GALNT17: variants seen among roughly 807,000 people sequenced by gnomAD.
GALNT17 encodes polypeptide N-acetylgalactosaminyltransferase 17.
Under a neutral mutation model 63.7 loss-of-function variants are expected in GALNT17, and 29 were observed. The ratio of observed to expected loss-of-function variants is 0.46; its 90% confidence interval spans 0.34 to 0.62. The LOEUF is 0.62. GALNT17 is among the 20% of genes least tolerant of loss of function. GALNT17 has a pLI of 0.01. For missense variants in GALNT17, 603 were observed against 799.6 expected, an observed-to-expected ratio of 0.75 and a Z score of 2.97; for synonymous variants, 305 against 318.3, an observed-to-expected ratio of 0.96 and a Z score of 0.45.
At chr7:71,410,884 T>A (rs1196764024) in intron 3 of GALNT17, among the ~76,000 whole-genome samples, 1 of 152,212 alleles carries the variant, frequency 6.6e-6, no homozygotes, top group Non-Finnish European at 1.5e-5. Flanking sequence ...TATCAAAATC[T>A]TAAAAAACAC....
chr7:71,172,336 G>A (rs998321184), intron 1 of GALNT17, among the ~76,000 whole-genome samples: 4 of 151,646 alleles, frequency 2.6e-5, no homozygotes, highest in Non-Finnish European at 4.4e-5. Flanking sequence ...GTGCACCTGC[G>A]GACCCAGCTA....
chr7:71,686,818 G>T (rs2117086862), intron 9 of GALNT17, among the ~76,000 whole-genome samples: 1 of 152,238 alleles, frequency 6.6e-6, no homozygotes, highest in South Asian at 2.1e-4. Flanking sequence ...ATGCAGCTTT[G>T]TCCCCGAGCT....
intron 9 of GALNT17, among the ~76,000 whole-genome samples, chr7:71,681,243 C>T (rs493053): frequency 0.42 from 63,656 of 151,982 alleles, 15,066 homozygotes; most frequent in African/African-American, 0.66. Flanking sequence ...ATGCTGATGC[C>T]GCTGGTTTGA....
At chr7:71,303,822 C>G (rs1791242419) in intron 1 of GALNT17, among the ~76,000 whole-genome samples, 1 of 152,134 alleles carries the variant, frequency 6.6e-6, no homozygotes, top group African/African-American at 2.4e-5. Context: ...TTGAATTTCT[C>G]TTTCTGGAAG....
intron 8 of GALNT17, among the ~76,000 whole-genome samples, chr7:71,673,792 T>G (rs1259593913): frequency 2.0e-5 from 3 of 152,166 alleles, no homozygotes; most frequent in Non-Finnish European, 4.4e-5. Context: ...TTTTGTGTTT[T>G]TGTTTTTGTT....
intron 5 of GALNT17, among the ~76,000 whole-genome samples, chr7:71,568,638 G>A (rs1789388279): frequency 6.6e-6 from 1 of 152,188 alleles, no homozygotes; most frequent in Non-Finnish European, 1.5e-5. Flanking sequence ...GCTGCATCCG[G>A]GATCTAGAGT....
At chr7:71,480,061 G>A (rs939223857) in intron 5 of GALNT17, among the ~76,000 whole-genome samples, 4 of 151,602 alleles carry the variant, frequency 2.6e-5, no homozygotes, top group Non-Finnish European at 5.9e-5. Context: ...TGTTTTCAAG[G>A]CCACACTAAC....
chr7:71,394,154 G>T (rs1793098950), intron 3 of GALNT17, among the ~76,000 whole-genome samples: 1 of 152,168 alleles, frequency 6.6e-6, no homozygotes, highest in Admixed American at 6.5e-5. Context: ...TCTGCTTCTG[G>T]TGAGGGTTTC....
rs191205449 is a variant in GALNT17 at position 71,564,447 on chromosome 7, C to T, written c.963-6838C>T. Among the ~76,000 whole-genome samples the T allele has an allele frequency of 2.7e-4, 41 of 151,744 alleles. No individual in the cohort carries two copies. The East Asian group carries it at 5.7e-3, about 21-fold the overall frequency. On this transcript the variant is annotated intron_variant, in intron 5 of 10. Transcript: ENST00000333538. ...GATTACAGGTGCCTACTACCACGCC[C>T]GGCTCATTTTTGTATTTTCAGTAGA... is the stretch of plus-strand genomic sequence containing the variant.
chr7:71,513,482 T>G (rs6979696), intron 5 of GALNT17, among the ~76,000 whole-genome samples: 30,234 of 151,880 alleles, frequency 0.2, 3,062 homozygotes, highest in Middle Eastern at 0.32. Context: ...GCCTCCCCAG[T>G]TCAAGCGATT....
At chr7:71,211,794 G>A (rs1429461326) in intron 1 of GALNT17, among the ~76,000 whole-genome samples, 1 of 152,112 alleles carries the variant, frequency 6.6e-6, no homozygotes, top group Admixed American at 6.5e-5. Context: ...TTTTGCCCCT[G>A]CCCTCAAGAT....
intron 1 of GALNT17, among the ~76,000 whole-genome samples, chr7:71,146,101 A>G (rs1428557604): frequency 6.6e-6 from 1 of 151,856 alleles, no homozygotes; most frequent in Non-Finnish European, 1.5e-5. Context: ...GGCTGGAGGG[A>G]TCCTTCGGGA....
intron 6 of GALNT17, among the ~76,000 whole-genome samples, 165 bp from the exon 7 acceptor site, chr7:71,665,246 G>A (rs946952039): frequency 1.3e-5 from 2 of 151,960 alleles, no homozygotes; most frequent in African/African-American, 4.8e-5. Context: ...CAAAGTGCTG[G>A]GATTATAGGC....
chr7:71,571,533 TG>T, intron 6 of GALNT17, 131 bp downstream of exon 6: 3 of 758,976 alleles, frequency 4.0e-6, no homozygotes, highest in Non-Finnish European at 6.8e-6. Context: ...ACCTTGTTCC[TG>T]GGGGATGCAT....
chr7:71,414,917 T>A (rs1793496740), intron 3 of GALNT17, among the ~76,000 whole-genome samples: 1 of 151,978 alleles, frequency 6.6e-6, no homozygotes, highest in Non-Finnish European at 1.5e-5. Context: ...TATCTAAGAA[T>A]CCCCTCCCTG....
chr7:71,210,054 C>T (rs901066166), intron 1 of GALNT17, among the ~76,000 whole-genome samples: 10 of 152,078 alleles, frequency 6.6e-5, no homozygotes, highest in African/African-American at 2.4e-4. Context: ...TCCTGAGTAG[C>T]TGGGATTATA....
At position 71,468,421 on chromosome 7, in the gene GALNT17, A is replaced by AT. The variant is rs759792487; in HGVS notation, c.962+47324dup. 3.1e-4 allele frequency among the ~76,000 whole-genome samples: 46 copies of AT among 148,448 alleles called. 5 individuals carry two copies. The highest frequency in any genetic ancestry group is 3.1e-3 in the East Asian group (15 of 4,878). On this transcript the variant is annotated intron_variant, in intron 5 of 10. Coordinates refer to ENST00000333538, the MANE Select transcript of GALNT17 (RefSeq NM_022479.3). ...ATCTTTTTATTTTATTTTATTTATT[A>AT]TTTTTTTTAATTGGAGACAGAGTCT...
intron 3 of GALNT17, among the ~76,000 whole-genome samples, chr7:71,401,907 T>G (rs1440146329): frequency 6.6e-6 from 1 of 152,224 alleles, no homozygotes; most frequent in Non-Finnish European, 1.5e-5. Context: ...TGAATCATCC[T>G]GAAACCATCC....
At chr7:71,220,735 CA>C (rs1044331723) in intron 1 of GALNT17, among the ~76,000 whole-genome samples, 9 of 152,068 alleles carry the variant, frequency 5.9e-5, no homozygotes, top group Admixed American at 1.3e-4. Flanking sequence ...CACAGACACA[CA>C]GGGGGAAGAC....
Sources: allele counts gnomAD v4.1 joint callset (sites outside exome capture counted in the v4.1 genomes callset), GRCh38; gene constraint gnomAD v4.1.1; transcripts MANE v1.5; gene names NCBI Gene and HGNC (gene_info 2026-07-23, HGNC 2026-07-21).